Variants in ARHGAP30 observed in about 807,000 individuals in gnomAD.
ARHGAP30 encodes Rho GTPase activating protein 30.
ARHGAP30 carries 23 observed loss-of-function variants against 72.0 expected under a neutral mutation model. The observed-to-expected ratio is 0.32, with a 90% CI of 0.23 to 0.45. The LOEUF (loss-of-function observed/expected upper bound fraction) is 0.45. Ranked by LOEUF, ARHGAP30 falls within the 20% of genes least tolerant of loss-of-function variation. ARHGAP30 has a pLI of 1.00. For missense variants in ARHGAP30, 1,319 were observed against 1,383.4 expected, an observed-to-expected ratio of 0.95 and a Z score of 0.74; for synonymous variants, 576 against 528.2, an observed-to-expected ratio of 1.09 and a Z score of -1.24.
rs1557920099 is a variant in ARHGAP30, at chr1:161,051,623, C to T, written c.1111G>A (p.Glu371Lys). The change falls in exon 10 of 12, where the codon GAA (glutamate) becomes AAA (lysine). Residue 371 changes from glutamate to lysine, a missense_variant. Physicochemically the swap from Glu to Lys is moderately conservative, Grantham distance 56. This residue lies in a region of ARHGAP30 where 1,097 missense variants were observed against 1,045.2 expected (regional missense o/e 1.05). Transcript: ENST00000368013. ...ENDSIEAAEG[E>K]QEPEAEALGG... ...AGTGCTTCTGCCTCAGGCTCCTGTTCACCCTCTGCTGCCTCTATAGAATCG... is the reference window on the plus strand; with the variant it reads ...AGTGCTTCTGCCTCAGGCTCCTGTTTACCCTCTGCTGCCTCTATAGAATCG... 6.2e-7 allele frequency: 1 copy of T among 1,613,350 alleles called. No homozygotes were observed. The highest frequency in any genetic ancestry group is 8.5e-7 in the Non-Finnish European group (1 of 1,180,050).
intron 10 of ARHGAP30, 144 bp downstream of exon 10, chr1:161,051,170 A>G: frequency 1.5e-6 from 2 of 1,374,104 alleles, no homozygotes; most frequent in Non-Finnish European, 1.9e-6. Context: ...CTAATCCTGA[A>G]TCTAGGGAGG....
Position 161,047,701 on chromosome 1 carries a change from G to A in ARHGAP30, c.*14C>T, listed in dbSNP as rs1357921153. The A allele has an allele frequency of 2.6e-6, 4 of 1,509,570 alleles. No individual in the cohort carries two copies. Among genetic ancestry groups the A allele is most frequent in the East Asian group, 2.3e-5 (1 of 43,604 alleles). The allele number at this position is 1,509,570 out of a possible 1,614,324, so 93.5% of individuals were successfully genotyped here. On this transcript the variant is annotated 3_prime_UTR_variant, in exon 12 of 12. Coordinates refer to ENST00000368013, the MANE Select transcript of ARHGAP30 (RefSeq NM_001025598.2). ...CAACTTGCTGGTCCCCTTTGCCCAG[G>A]GCTGTGGTCCTAATCACAGTCCTTC...
Position 161,048,417 on chromosome 1 carries a change from C to T in ARHGAP30, c.2604G>A (p.Ala868=), listed in dbSNP as rs11587603. 1,890 of 1,614,076 alleles carry T rather than the reference C, an allele frequency of 1.2e-3. 6 individuals carry two copies. Among genetic ancestry groups the T allele is most frequent in the Non-Finnish European group, 1.3e-3 (1,487 of 1,180,012 alleles). The change falls in exon 12 of 12, where the codon GCG becomes GCA. Residue 868 remains alanine, a synonymous_variant. Coordinates refer to ENST00000368013, the MANE Select transcript of ARHGAP30 (RefSeq NM_001025598.2). The stretch of plus-strand genomic sequence containing the variant: ...CTTTGGCACAGTCAACCTCCAGGGA[C>T]GCTACACCTGAACCTTCAGAGAGGG... ...EDTLSEGSGV[A]SLEVDCAKEG... is the part of the protein sequence containing the mutation.
At chr1:161,066,160 C>T (rs918798298) in intron 1 of ARHGAP30, among the ~76,000 whole-genome samples, 1 of 151,218 alleles carries the variant, frequency 6.6e-6, no homozygotes, top group African/African-American at 2.4e-5. Flanking sequence ...CCACCATGCT[C>T]AGCCAACCAA....
At chr1:161,051,808 C>G (rs977304612) in intron 9 of ARHGAP30, 93 bp from the exon 10 acceptor site, 9 of 1,443,638 alleles carry the variant, frequency 6.2e-6, no homozygotes, top group Non-Finnish European at 8.2e-6. Context: ...TCTCTGCTTT[C>G]TCAGGCTTGA....
chr1:161,059,979 T>A (rs1185113470), intron 1 of ARHGAP30, among the ~76,000 whole-genome samples: 1 of 152,132 alleles, frequency 6.6e-6, no homozygotes, highest in Non-Finnish European at 1.5e-5. Flanking sequence ...AGTTCTGCCT[T>A]TGTTAAAGTG....
chr1:161,048,950 C>T lies in ARHGAP30; in HGVS notation c.2071G>A (p.Asp691Asn). 1 of 1,613,964 alleles carries T rather than the reference C, an allele frequency of 6.2e-7. No homozygotes were observed. The highest frequency in any genetic ancestry group is 8.5e-7 in the Non-Finnish European group (1 of 1,180,024). ...TKVEAGKASEDRGEAGGSQET... is the reference protein window; with the variant it reads ...TKVEAGKASENRGEAGGSQET... Reference sequence around the variant, plus strand: ...TGGCTTCCCCCAGCCTCCCCTCTATCCTCACTGGCCTTTCCAGCCTCCACC... The same window carrying T: ...TGGCTTCCCCCAGCCTCCCCTCTATTCTCACTGGCCTTTCCAGCCTCCACC... Residue 691 changes from aspartate to asparagine, a missense_variant, in exon 12 of 12, where the codon GAT (aspartate) becomes AAT (asparagine). Physicochemically the swap from Asp to Asn is conservative, Grantham distance 23. This residue lies in a region of ARHGAP30 where 1,097 missense variants were observed against 1,045.2 expected (regional missense o/e 1.05). Transcript: ENST00000368013.
intron 3 of ARHGAP30, 104 bp downstream of exon 3, chr1:161,056,284 T>C: frequency 6.9e-7 from 1 of 1,447,104 alleles, no homozygotes. Context: ...TCTCTGTCAT[T>C]CAGGATCGCT....
chr1:161,056,238 G>A (rs1213524902), intron 3 of ARHGAP30, 150 bp downstream of exon 3: 48 of 1,055,950 alleles, frequency 4.5e-5, no homozygotes, highest in Middle Eastern at 3.1e-4. Context: ...GAGATTTGGG[G>A]AGGAGGGGTC....
intron 1 of ARHGAP30, among the ~76,000 whole-genome samples, chr1:161,065,100 G>A (rs1382051681): frequency 6.6e-6 from 1 of 152,104 alleles, no homozygotes; most frequent in Non-Finnish European, 1.5e-5. Context: ...TCAGCCTCCT[G>A]AGTAGCCAGG....
At chr1:161,058,759 GC>G (rs938670843) in intron 2 of ARHGAP30, among the ~76,000 whole-genome samples, 1 of 150,562 alleles carries the variant, frequency 6.6e-6, no homozygotes, top group Non-Finnish European at 1.5e-5. Flanking sequence ...TACTCAGGAG[GC>G]CGAGGCAGGA....
Position 161,050,750 on chromosome 1 carries a change from C to T in ARHGAP30, c.1420+564G>A, listed in dbSNP as rs1441908584. 2.6e-5 allele frequency among the ~76,000 whole-genome samples: 4 copies of T among 152,146 alleles called. No individual in the cohort carries two copies. In the Middle Eastern group the frequency reaches 0.014, roughly 518 times the overall value. On this transcript the variant is annotated intron_variant, in intron 10 of 11. Coordinates refer to ENST00000368013, the MANE Select transcript of ARHGAP30 (RefSeq NM_001025598.2). ...CTGCCTCCTGGGTTCAAGCGATTCT[C>T]CTGCCTCAGCCTCCCAAGGAGCTGG...
intron 1 of ARHGAP30, among the ~76,000 whole-genome samples, chr1:161,064,884 AAGAG>A (rs1220833855): frequency 1.3e-5 from 2 of 149,224 alleles, no homozygotes; most frequent in Non-Finnish European, 3.0e-5. Context: ...AAGGAGAGAA[AAGAG>A]AGAGGAAGGA....
rs1650970593 is a variant in ARHGAP30, at chr1:161,047,803, G to A, written c.3218C>T (p.Pro1073Leu). Reference sequence around the variant, plus strand: ...GGACAACAGGGGGTCAGGAACCTGGGGTTCTCTGGGGGGCAGACTAAGACG... The same window carrying A: ...GGACAACAGGGGGTCAGGAACCTGGAGTTCTCTGGGGGGCAGACTAAGACG... ...RSRLSLPPRE[P>L]QVPDPLLSSQ... The change falls in exon 12 of 12, where the codon CCC becomes CTC. Residue 1073 changes from proline to leucine, a missense_variant. Coordinates refer to ENST00000368013, the MANE Select transcript of ARHGAP30 (RefSeq NM_001025598.2). The A allele has an allele frequency of 6.2e-7, 1 of 1,602,742 alleles. No homozygotes were observed. Among genetic ancestry groups the A allele is most frequent in the Admixed American group, 1.7e-5 (1 of 57,144 alleles).
At chr1:161,055,515 C>T (rs1651755742) in intron 3 of ARHGAP30, among the ~76,000 whole-genome samples, 2 of 151,770 alleles carry the variant, frequency 1.3e-5, no homozygotes, top group Admixed American at 6.6e-5. Context: ...ACAGGCTGGG[C>T]GCAGGGGCTC....
intron 1 of ARHGAP30, chr1:161,060,230 G>T (rs758784425): frequency 2.2e-6 from 1 of 451,626 alleles, no homozygotes. Context: ...GCAGGAAGCC[G>T]CACTCTGGCC....
chr1:161,058,591 C>T (rs1466081630), intron 2 of ARHGAP30, among the ~76,000 whole-genome samples: 2 of 146,204 alleles, frequency 1.4e-5, no homozygotes, highest in Admixed American at 6.9e-5. Context: ...CACGACACTG[C>T]ACTCCACCCT....
At chr1:161,062,477 C>T (rs1245199852) in intron 1 of ARHGAP30, among the ~76,000 whole-genome samples, 2 of 151,984 alleles carry the variant, frequency 1.3e-5, no homozygotes, top group African/African-American at 4.8e-5. Flanking sequence ...ACCTGTAATC[C>T]CACCACTTTG....
rs1280246868 is a variant in ARHGAP30 at position 161,049,453 on chromosome 1, G to A, written c.1657C>T (p.Leu553=). ...PGEDDPGMGY[L]EELLGVGPQV... is the part of the protein sequence containing the mutation. ...GGCCCAACTCCCAGGAGCTCCTCCA[G>A]GTAGCCCATCCCAGGGTCGTCCTCC... The change falls in exon 11 of 12, where the codon CTG becomes TTG. Residue 553 remains leucine, a synonymous_variant. Coordinates refer to ENST00000368013, the MANE Select transcript of ARHGAP30 (RefSeq NM_001025598.2). 9 of 1,612,922 alleles carry A rather than the reference G, an allele frequency of 5.6e-6. No homozygotes were observed. The highest frequency in any genetic ancestry group is 7.6e-6 in the Non-Finnish European group (9 of 1,179,390).
Sources: gnomAD v4.1 joint callset for allele counts (sites outside exome capture counted in the v4.1 genomes callset) on GRCh38, gnomAD v4.1.1 for gene constraint, gnomAD v4.1.1 regional missense constraint, MANE v1.5 for transcripts, NCBI Gene and HGNC (gene_info 2026-07-23, HGNC 2026-07-21) for gene names.